Variants in TRPM3 observed in about 807,000 individuals in gnomAD.
The protein encoded by TRPM3 is long transient receptor potential channel 3.
In TRPM3, 77 loss-of-function variants were observed where a neutral mutation model predicts 181.2. That is an observed-to-expected ratio of 0.42 (90% CI 0.35 to 0.51). TRPM3 has a LOEUF of 0.51. Among genes scored for constraint, TRPM3 ranks in the 20% least tolerant of loss-of-function variants. TRPM3 has a pLI of 0.01. For synonymous variants in TRPM3, 745 were observed against 796.4 expected (o/e 0.94, Z 1.09); for missense variants, 1,759 against 2,196.7 (o/e 0.80, Z 3.98).
intron 1 of TRPM3, among the ~76,000 whole-genome samples, chr9:71,187,900 TAGA>T (rs1675450239): frequency 2.4e-5 from 2 of 82,734 alleles, no homozygotes; most frequent in South Asian, 1.0e-3. Context: ...GATAGATAGA[TAGA>T]TAGATAGATA....
At chr9:70,749,324 G>C (rs933513622) in intron 8 of TRPM3, among the ~76,000 whole-genome samples, 2 of 152,064 alleles carry the variant, frequency 1.3e-5, no homozygotes, top group Non-Finnish European at 2.9e-5. Flanking sequence ...GAAGTAGGAA[G>C]TCCATGTTAC....
chr9:71,208,191 T>G (rs2079244169), intron 1 of TRPM3, among the ~76,000 whole-genome samples: 1 of 152,160 alleles, frequency 6.6e-6, no homozygotes, highest in South Asian at 2.1e-4. Context: ...TTCATCTGTA[T>G]TTTTATCTAG....
At chr9:71,166,539 C>A (rs1411168) in intron 1 of TRPM3, among the ~76,000 whole-genome samples, 102,732 of 151,622 alleles carry the variant, frequency 0.68, 35,161 homozygotes, top group African/African-American at 0.77. Context: ...CAAATCTGAC[C>A]TGACACTGGA....
intron 1 of TRPM3, among the ~76,000 whole-genome samples, chr9:71,189,319 A>G (rs2077868402): frequency 6.6e-6 from 1 of 151,848 alleles, no homozygotes; most frequent in Admixed American, 6.6e-5. Context: ...TGTTTCAAAC[A>G]CTGAGTGGTG....
rs2065445653 is a variant in TRPM3, at chr9:70,681,579, C to A, written c.1273-1G>T. On this transcript the variant is annotated splice_acceptor_variant, in intron 8 of 25. Transcript: ENST00000677713. LOFTEE classifies it high-confidence loss of function. ...CTGATCCCATCCGAAATACCGTAAT[C>A]TGCAATTTGAGACAAGGTGATCATT... 6.2e-7 allele frequency: 1 copy of A among 1,613,562 alleles called. No individual in the cohort carries two copies. The highest frequency in any genetic ancestry group is 8.5e-7 in the Non-Finnish European group (1 of 1,179,678).
At chr9:71,305,987 C>T (rs184719592) in intron 1 of TRPM3, among the ~76,000 whole-genome samples, 7 of 152,256 alleles carry the variant, frequency 4.6e-5, no homozygotes, top group East Asian at 3.9e-4. Context: ...GTTGTACACA[C>T]TAAACTTTCC....
chr9:70,621,216 G>A (rs1365005182), intron 15 of TRPM3, 28 bp downstream of exon 15: 1 of 1,550,048 alleles, frequency 6.5e-7, no homozygotes, highest in Non-Finnish European at 8.8e-7. Flanking sequence ...ATAAATCATT[G>A]ACACTAATAA....
At chr9:71,133,086 C>T (rs1316102161) in intron 1 of TRPM3, among the ~76,000 whole-genome samples, 2 of 151,852 alleles carry the variant, frequency 1.3e-5, no homozygotes, top group Admixed American at 1.3e-4. Context: ...AATTGCTATC[C>T]AGTAGTGTTG....
At chr9:71,109,507 A>T (rs1274526822) in intron 1 of TRPM3, among the ~76,000 whole-genome samples, 2 of 152,124 alleles carry the variant, frequency 1.3e-5, no homozygotes, top group African/African-American at 4.8e-5. Context: ...GCAAACACAA[A>T]CATATTAATT....
At chr9:70,647,422 C>G (rs1003868349) in intron 9 of TRPM3, among the ~76,000 whole-genome samples, 3 of 152,098 alleles carry the variant, frequency 2.0e-5, no homozygotes. Context: ...ACCACATAAA[C>G]AGAACTAAAA....
chr9:71,425,228 A>G lies in TRPM3; in HGVS notation c.183+21425T>C, dbSNP rs72735854. On this transcript the variant is annotated intron_variant, in intron 1 of 24. Coordinates refer to the TRPM3 transcript ENST00000357533. ...TAACATCATGTGTTCATGGGCTTTAATATCACCCATAAACTGATAATACCC... is the reference window on the plus strand; with the variant it reads ...TAACATCATGTGTTCATGGGCTTTAGTATCACCCATAAACTGATAATACCC... 3.3e-5 allele frequency among the ~76,000 whole-genome samples: 5 copies of G among 152,162 alleles called. No individual in the cohort carries two copies. The South Asian group carries it at 1.0e-3, about 32-fold the overall frequency.
chr9:70,604,964 CT>C (rs5898151), intron 19 of TRPM3, among the ~76,000 whole-genome samples: 1 of 129,956 alleles, frequency 7.7e-6, no homozygotes, highest in South Asian at 2.4e-4. Flanking sequence ...ATGGATTCTT[CT>C]TTTTTTTTGG....
chr9:71,232,491 C>CTTTTTTTTT lies in TRPM3; in HGVS notation c.183+214153_183+214161dup, dbSNP rs71352362. Reference sequence around the variant, plus strand: ...CGCACATGGAAATTGAATTCAGTGTCTTTTTTTTTTTTTTTTTTTTTTTTT... The same window carrying CTTTTTTTTT: ...CGCACATGGAAATTGAATTCAGTGTCTTTTTTTTTTTTTTTTTTTTTTTTTTTTTTTTTT... On this transcript the variant is annotated intron_variant, in intron 1 of 24. Transcript: ENST00000357533. Among the ~76,000 whole-genome samples, 60 of 59,150 alleles carry CTTTTTTTTT rather than the reference C, an allele frequency of 1.0e-3. 9 individuals are homozygous for CTTTTTTTTT. Among genetic ancestry groups the CTTTTTTTTT allele is most frequent in the African/African-American group, 2.8e-3 (37 of 13,406 alleles). 38.8% of individuals were successfully genotyped at this position (59,150 alleles called of 152,430 possible). A position where few individuals can be genotyped will look rare whatever the true frequency, so the allele number is the denominator to read the frequency against.
At chr9:70,759,374 C>T (rs1035134019) in intron 8 of TRPM3, among the ~76,000 whole-genome samples, 3 of 152,228 alleles carry the variant, frequency 2.0e-5, no homozygotes, top group Non-Finnish European at 4.4e-5. Context: ...AACACTTTTA[C>T]ACTGTTGGTG....
At chr9:70,841,661 T>TATATATATATATATAA (rs1339698170) in intron 5 of TRPM3, among the ~76,000 whole-genome samples, 20 of 86,092 alleles carry the variant, frequency 2.3e-4, no homozygotes, top group African/African-American at 7.6e-4. Flanking sequence ...TATATATATA[T>TATATATATATATATAA]CCCACCATAT....
chr9:70,987,469 C>T (rs2097433103), intron 1 of TRPM3, among the ~76,000 whole-genome samples: 1 of 152,136 alleles, frequency 6.6e-6, no homozygotes. Context: ...GACAATTCTG[C>T]TTCATTCTTC....
intron 1 of TRPM3, among the ~76,000 whole-genome samples, chr9:71,183,013 C>A (rs921932139): frequency 6.6e-6 from 1 of 151,844 alleles, no homozygotes; most frequent in African/African-American, 2.4e-5. Flanking sequence ...AACTCATTCC[C>A]AAAGTGGGGT....
intron 1 of TRPM3, among the ~76,000 whole-genome samples, chr9:71,360,988 A>G (rs1194813315): frequency 6.6e-6 from 1 of 152,150 alleles, no homozygotes; most frequent in Non-Finnish European, 1.5e-5. Context: ...TAACAATTTT[A>G]AATTTTTATT....
At chr9:71,234,752 T>C (rs7861050) in intron 1 of TRPM3, among the ~76,000 whole-genome samples, 1,541 of 152,306 alleles carry the variant, frequency 0.01, 25 homozygotes, top group African/African-American at 0.035. Context: ...AGATTAGGAC[T>C]TCAACATGTA....
Sources: allele counts gnomAD v4.1 joint callset (sites outside exome capture counted in the v4.1 genomes callset), GRCh38; gene constraint gnomAD v4.1.1; transcripts MANE v1.5; gene names NCBI Gene and HGNC (gene_info 2026-07-23, HGNC 2026-07-21).